Variants in PDE4D observed in about 807,000 individuals in gnomAD.
PDE4D encodes the protein phosphodiesterase 4D.
Under a neutral mutation model 87.4 loss-of-function variants are expected in PDE4D, and 24 were observed. That is an observed-to-expected ratio of 0.27 (90% confidence interval 0.20 to 0.39). The LOEUF (loss-of-function observed/expected upper bound fraction) is 0.39. Ranked by LOEUF, PDE4D falls within the 10% of genes least tolerant of loss-of-function variation. The pLI is 1.00. For missense variants in PDE4D, 714 were observed against 1,041.0 expected (o/e 0.69, Z 4.32); for synonymous variants, 384 against 383.2 (o/e 1.00, Z -0.02).
chr5:60,269,749 A>G (rs1358609625), intron 1 of PDE4D, among the ~76,000 whole-genome samples: 1 of 152,250 alleles, frequency 6.6e-6, no homozygotes, highest in East Asian at 1.9e-4. Context: ...TGATGAATAT[A>G]TTGATTTGCT....
intron 1 of PDE4D, among the ~76,000 whole-genome samples, chr5:60,306,474 A>G (rs929553925): frequency 6.6e-6 from 1 of 152,102 alleles, no homozygotes; most frequent in African/African-American, 2.4e-5. Flanking sequence ...ACAGGAACGA[A>G]TCAATAAAAA....
At chr5:59,462,653 C>A (rs1800947606) in intron 1 of PDE4D, among the ~76,000 whole-genome samples, 1 of 152,134 alleles carries the variant, frequency 6.6e-6, no homozygotes, top group African/African-American at 2.4e-5. Context: ...AGTCCAGCAA[C>A]CAGCATGAAA....
chr5:59,229,009 G>A (rs116193192), intron 1 of PDE4D, among the ~76,000 whole-genome samples: 13,017 of 141,972 alleles, frequency 0.092, 925 homozygotes, highest in African/African-American at 0.17. Flanking sequence ...TTTTTTTTTT[G>A]AACAAACAAA....
In PDE4D at chr5:60,300,215, C is replaced by T. The variant is rs184910292; in HGVS notation, c.-89-114528G>A. Among the ~76,000 whole-genome samples, 745 of 152,234 alleles carry T rather than the reference C, an allele frequency of 4.9e-3. 5 individuals carry two copies. The highest frequency in any genetic ancestry group is 0.017 in the African/African-American group (718 of 41,532). ...TGTTTTCTTTTGCAAAGTGTCTGTTCATGTCATTTGCCCACTTTTTAATTG... is the reference window on the plus strand; with the variant it reads ...TGTTTTCTTTTGCAAAGTGTCTGTTTATGTCATTTGCCCACTTTTTAATTG... On this transcript the variant is annotated intron_variant, in intron 1 of 16. Coordinates refer to the PDE4D transcript ENST00000502484.
intron 1 of PDE4D, among the ~76,000 whole-genome samples, chr5:60,243,725 G>A (rs1747395283): frequency 6.6e-6 from 1 of 151,836 alleles, no homozygotes; most frequent in Non-Finnish European, 1.5e-5. Context: ...TTCAATTGAT[G>A]CTGAAAAAGC....
At chr5:59,073,722 G>A (rs1169964425) in intron 5 of PDE4D, among the ~76,000 whole-genome samples, 2 of 152,144 alleles carry the variant, frequency 1.3e-5, no homozygotes, top group Admixed American at 6.6e-5. Flanking sequence ...CAATTTCATA[G>A]CATTTCTCTT....
intron 1 of PDE4D, chr5:59,275,512 G>T: frequency 6.8e-7 from 1 of 1,474,798 alleles, no homozygotes. Context: ...AAGGGAGGCT[G>T]CTTGAAGAAA....
intron 5 of PDE4D, among the ~76,000 whole-genome samples, chr5:59,141,870 T>C (rs78734396): frequency 0.039 from 5,917 of 152,228 alleles, 350 homozygotes; most frequent in African/African-American, 0.12. Context: ...AGTTATAGCT[T>C]CAGGGGCTCC....
chr5:58,978,118 TA>T (rs1561218434), intron 11 of PDE4D, among the ~76,000 whole-genome samples: 1 of 152,178 alleles, frequency 6.6e-6, no homozygotes, highest in Non-Finnish European at 1.5e-5. Context: ...AGATAATCAT[TA>T]AAAAACTTTT....
intron 1 of PDE4D, among the ~76,000 whole-genome samples, chr5:59,383,265 T>C (rs1786272074): frequency 6.6e-6 from 1 of 152,006 alleles, no homozygotes; most frequent in Non-Finnish European, 1.5e-5. Flanking sequence ...CCATTCACGA[T>C]CTCACTTATG....
intron 1 of PDE4D, among the ~76,000 whole-genome samples, chr5:60,245,163 C>A (rs528942172): frequency 1.3e-5 from 2 of 151,926 alleles, no homozygotes; most frequent in South Asian, 2.1e-4. Context: ...AGAAGACATA[C>A]AAATGGAAAA....
At chr5:60,255,499 G>C (rs1748950355) in intron 1 of PDE4D, among the ~76,000 whole-genome samples, 1 of 151,820 alleles carries the variant, frequency 6.6e-6, no homozygotes, top group Non-Finnish European at 1.5e-5. Flanking sequence ...TTTGGACTCA[G>C]TGAGAAGTGG....
At chr5:59,275,475 A>T (rs1450816366) in intron 1 of PDE4D, 2 of 1,554,510 alleles carry the variant, frequency 1.3e-6, no homozygotes, top group Non-Finnish European at 1.7e-6. Flanking sequence ...CTTTCTGCAA[A>T]GAAGATTTTA....
intron 2 of PDE4D, among the ~76,000 whole-genome samples, chr5:60,080,350 T>C (rs1055839654): frequency 2.0e-5 from 3 of 152,218 alleles, no homozygotes; most frequent in African/African-American, 7.2e-5. Flanking sequence ...ACTTTCTCTC[T>C]TCCTATTTGA....
intron 1 of PDE4D, among the ~76,000 whole-genome samples, chr5:60,337,611 C>A (rs1254800614): frequency 6.6e-6 from 1 of 151,740 alleles, no homozygotes; most frequent in Admixed American, 6.6e-5. Context: ...ATAAATAATA[C>A]CTAAATAAAC....
intron 1 of PDE4D, among the ~76,000 whole-genome samples, chr5:60,394,509 G>A (rs747629091): frequency 1.3e-5 from 2 of 152,200 alleles, no homozygotes; most frequent in African/African-American, 2.4e-5. Context: ...ATTGCCTATC[G>A]ATTTGTCTAT....
At chr5:59,672,862 T>G in intron 1 of PDE4D, among the ~76,000 whole-genome samples, 1 of 152,214 alleles carries the variant, frequency 6.6e-6, no homozygotes, top group East Asian at 1.9e-4. Context: ...AACATACACA[T>G]TTATTGACAA....
At chr5:58,987,571 A>G (rs1746757066) in intron 11 of PDE4D, among the ~76,000 whole-genome samples, 1 of 152,210 alleles carries the variant, frequency 6.6e-6, no homozygotes, top group South Asian at 2.1e-4. Context: ...TGAATGGTGA[A>G]TTCATAAATA....
At chr5:59,496,616 G>GC in intron 1 of PDE4D, among the ~76,000 whole-genome samples, 2 of 152,268 alleles carry the variant, frequency 1.3e-5, no homozygotes, top group South Asian at 4.1e-4. Flanking sequence ...GGTTCAGTCG[G>GC]CCCCTAAGGG....
Sources: allele counts gnomAD v4.1 joint callset (sites outside exome capture counted in the v4.1 genomes callset), GRCh38; gene constraint gnomAD v4.1.1; transcripts MANE v1.5; gene names NCBI Gene and HGNC (gene_info 2026-07-23, HGNC 2026-07-21).